PIAS1: variants seen among roughly 807,000 people sequenced by gnomAD.
PIAS1 encodes the protein protein inhibitor of activated STAT 1.
PIAS1 carries 6 observed loss-of-function variants against 71.3 expected under a neutral mutation model. The observed-to-expected ratio is 0.08, with a 90% CI of 0.05 to 0.17. The LOEUF is 0.17. Among genes scored for constraint, PIAS1 ranks in the 10% least tolerant of loss-of-function variants. The pLI, the probability that PIAS1 is intolerant of heterozygous loss-of-function variation, is 1.00. For missense variants in PIAS1, 555 were observed against 793.6 expected, an observed-to-expected ratio of 0.70 and a Z score of 3.61; for synonymous variants, 303 against 292.9, an observed-to-expected ratio of 1.03 and a Z score of -0.35.
intron 6 of PIAS1, among the ~76,000 whole-genome samples, chr15:68,150,373 A>AT (rs1176087161): frequency 6.6e-6 from 1 of 152,120 alleles, no homozygotes; most frequent in Non-Finnish European, 1.5e-5. Flanking sequence ...ATTTGAAGAC[A>AT]TTTTTCTGGG....
At chr15:68,060,752 C>A (rs1164223218) in intron 1 of PIAS1, among the ~76,000 whole-genome samples, 1 of 151,344 alleles carries the variant, frequency 6.6e-6, no homozygotes, top group East Asian at 1.9e-4. Flanking sequence ...AACATAGTTT[C>A]AAGGATCCAC....
intron 2 of PIAS1, among the ~76,000 whole-genome samples, chr15:68,119,237 CAAAAAAAAAAAA>C (rs60879036): frequency 4.4e-4 from 12 of 27,410 alleles, no homozygotes; most frequent in Non-Finnish European, 5.4e-4. Flanking sequence ...CCATCTCTAC[CAAAAAAAAAAAA>C]AAAAAAAAAA....
At chr15:68,064,117 T>C (rs1392841635) in intron 1 of PIAS1, among the ~76,000 whole-genome samples, 5 of 152,186 alleles carry the variant, frequency 3.3e-5, no homozygotes, top group African/African-American at 4.8e-5. Context: ...GCTTTTTAAA[T>C]GGAATACCAT....
At chr15:68,099,258 TC>T (rs1462136969) in intron 2 of PIAS1, among the ~76,000 whole-genome samples, 2 of 151,090 alleles carry the variant, frequency 1.3e-5, no homozygotes, top group East Asian at 3.9e-4. Context: ...TATATATATT[TC>T]TTTTTTTTTT....
At chr15:68,110,335 C>A (rs2092511916) in intron 2 of PIAS1, among the ~76,000 whole-genome samples, 1 of 152,156 alleles carries the variant, frequency 6.6e-6, no homozygotes, top group South Asian at 2.1e-4. Flanking sequence ...TGGTTCACGC[C>A]TGTAATCCCA....
chr15:68,142,814 A>C (rs993659550), intron 4 of PIAS1, among the ~76,000 whole-genome samples: 1 of 152,138 alleles, frequency 6.6e-6, no homozygotes. Flanking sequence ...ATTAGTACTT[A>C]AGTCTACAGT....
chr15:68,094,062 C>T (rs943258339), intron 2 of PIAS1, among the ~76,000 whole-genome samples: 5 of 151,570 alleles, frequency 3.3e-5, no homozygotes, highest in African/African-American at 1.2e-4. Context: ...GGGAAGGTGG[C>T]TTCTATTTAA....
intron 2 of PIAS1, among the ~76,000 whole-genome samples, chr15:68,111,709 G>A (rs139572621): frequency 4.6e-5 from 7 of 152,172 alleles, no homozygotes; most frequent in East Asian, 3.9e-4. Context: ...TTTCCCTAGC[G>A]TAAAACTACT....
intron 2 of PIAS1, among the ~76,000 whole-genome samples, chr15:68,129,173 C>T (rs1318900877): frequency 2.6e-5 from 4 of 152,124 alleles, no homozygotes; most frequent in Non-Finnish European, 5.9e-5. Flanking sequence ...GCAGCCCTTC[C>T]CACCTCACCC....
At chr15:68,071,269 CTTTT>C (rs201177318) in intron 1 of PIAS1, among the ~76,000 whole-genome samples, 2 of 102,780 alleles carry the variant, frequency 1.9e-5, no homozygotes, top group East Asian at 2.9e-4. Context: ...TTGCTTCATT[CTTTT>C]TTTTTTTTTT....
In PIAS1 at chr15:68,081,265, C is replaced by A. The variant is rs373323316; in HGVS notation, c.25-5041C>A. 2.6e-4 allele frequency among the ~76,000 whole-genome samples: 40 copies of A among 152,262 alleles called. 1 individual carries two copies. The East Asian group carries it at 3.3e-3, about 12-fold the overall frequency. On this transcript the variant is annotated intron_variant, in intron 1 of 13. Coordinates refer to ENST00000249636, the MANE Select transcript of PIAS1 (RefSeq NM_016166.3). ...TGCCCTTAGAACACTAGAAGCCAGC[C>A]TTATACCACCAAAGCAGGAGATTGG...
intron 11 of PIAS1, among the ~76,000 whole-genome samples, chr15:68,177,339 C>T (rs913145931): frequency 2.0e-5 from 3 of 150,962 alleles, no homozygotes; most frequent in Non-Finnish European, 4.4e-5. Context: ...CCCAGGTGAT[C>T]CTGCTCCTGC....
intron 6 of PIAS1, among the ~76,000 whole-genome samples, chr15:68,149,849 G>T (rs918444711): frequency 6.6e-6 from 1 of 151,934 alleles, no homozygotes; most frequent in Non-Finnish European, 1.5e-5. Context: ...CTACTACCTA[G>T]AACTTTGTAA....
In PIAS1 at chr15:68,054,944, G is replaced by T. The variant is rs2091879884; in HGVS notation, c.24+594G>T. On this transcript the variant is annotated intron_variant, in intron 1 of 13. Transcript: ENST00000249636. The surrounding 1 kb of genome is among the most constrained non-coding windows in gnomAD (Gnocchi z 4.6). The stretch of plus-strand genomic sequence containing the variant: ...CCCCGCTTGTGGGAAGCGCGATCCC[G>T]GGGCGATAGGGTGGGGATCTGGGGG... 6.6e-6 allele frequency: 1 copy of T among 152,320 alleles called. No homozygotes were observed. Among genetic ancestry groups the T allele is most frequent in the Non-Finnish European group, 1.5e-5 (1 of 68,134 alleles). The allele number at this position is 152,320 out of a possible 1,614,324, so 9.4% of individuals were successfully genotyped here.
In PIAS1 at chr15:68,116,376, G is replaced by A. The variant is rs1427369888; in HGVS notation, c.470-25570G>A. ...CTGAGTTATAAGTTTTTGTCATAAAGGTACGCCAAATATTAATAATATTCT... is the reference window on the plus strand; with the variant it reads ...CTGAGTTATAAGTTTTTGTCATAAAAGTACGCCAAATATTAATAATATTCT... On this transcript the variant is annotated intron_variant, in intron 2 of 13. Coordinates refer to ENST00000249636, the MANE Select transcript of PIAS1 (RefSeq NM_016166.3). Among the ~76,000 whole-genome samples the A allele has an allele frequency of 2.6e-5, 4 of 152,114 alleles. No individual in the cohort carries two copies. In the East Asian group the frequency reaches 7.7e-4, roughly 29 times the overall value.
intron 1 of PIAS1, among the ~76,000 whole-genome samples, chr15:68,056,736 C>T (rs1339524963): frequency 6.6e-6 from 1 of 151,650 alleles, no homozygotes; most frequent in African/African-American, 2.4e-5. Flanking sequence ...ATCTCAGGAA[C>T]GCCTACCATA....
At chr15:68,120,233 T>C (rs2092602176) in intron 2 of PIAS1, among the ~76,000 whole-genome samples, 1 of 151,734 alleles carries the variant, frequency 6.6e-6, no homozygotes, top group South Asian at 2.1e-4. Context: ...AAAAACAGGT[T>C]ATAGTTGTCT....
intron 2 of PIAS1, among the ~76,000 whole-genome samples, chr15:68,130,040 C>T (rs746432443): frequency 1.9e-4 from 29 of 151,872 alleles, no homozygotes; most frequent in Non-Finnish European, 4.0e-4. Context: ...AAGATATGTT[C>T]ATTTTGAGGG....
At chr15:68,112,699 TG>T (rs1310176556) in intron 2 of PIAS1, among the ~76,000 whole-genome samples, 3 of 152,348 alleles carry the variant, frequency 2.0e-5, no homozygotes, top group Admixed American at 6.5e-5. Context: ...TCTTATTCAC[TG>T]TCCAGTGTCG....
Sources: allele counts gnomAD v4.1 joint callset (sites outside exome capture counted in the v4.1 genomes callset), GRCh38; gene constraint gnomAD v4.1.1; non-coding constraint Gnocchi (gnomAD v3.1); transcripts MANE v1.5; gene names NCBI Gene and HGNC (gene_info 2026-07-23, HGNC 2026-07-21).